The following CDH4 variants were observed in gnomAD, a reference collection of about 807,000 sequenced individuals.
CDH4 encodes cadherin 4.
CDH4 carries 33 observed loss-of-function variants against 86.0 expected under a neutral mutation model. The ratio of observed to expected loss-of-function variants is 0.38; its 90% CI spans 0.29 to 0.51. The LOEUF (loss-of-function observed/expected upper bound fraction) is 0.51, where lower values mean the gene tolerates loss of function less well. CDH4 is among the 20% of genes least tolerant of loss of function. The probability of loss-of-function intolerance (pLI) is 0.86; values close to 1 mark genes in which losing one functional copy is unlikely to be tolerated. For synonymous variants in CDH4, 555 were observed against 549.4 expected (o/e 1.01, Z -0.14); for missense variants, 1,114 against 1,307.4 (o/e 0.85, Z 2.28).
chr20:61,759,203 A>G (rs2088603034), intron 3 of CDH4, among the ~76,000 whole-genome samples: 1 of 152,186 alleles, frequency 6.6e-6, no homozygotes, highest in Admixed American at 6.5e-5. Flanking sequence ...CTGAAGGCAG[A>G]CTTCTCAGAC....
chr20:61,832,233 A>G (rs1188869984), intron 4 of CDH4, among the ~76,000 whole-genome samples: 2 of 152,190 alleles, frequency 1.3e-5, no homozygotes, highest in African/African-American at 4.8e-5. Context: ...GGGCCAGGAC[A>G]CCTGGGTTCT....
intron 2 of CDH4, among the ~76,000 whole-genome samples, chr20:61,686,939 C>T (rs1423380856): frequency 6.6e-6 from 1 of 151,930 alleles, no homozygotes; most frequent in Non-Finnish European, 1.5e-5. Flanking sequence ...AAACCAACCC[C>T]CGCCCCCCGA....
intron 2 of CDH4, among the ~76,000 whole-genome samples, chr20:61,735,997 G>A (rs1277920102): frequency 6.6e-6 from 1 of 152,172 alleles, no homozygotes; most frequent in African/African-American, 2.4e-5. Flanking sequence ...GCCCTAAAGG[G>A]GGTGTCTGGG....
At chr20:61,258,217 C>T (rs6071556) in intron 2 of CDH4, among the ~76,000 whole-genome samples, 82,910 of 151,024 alleles carry the variant, frequency 0.55, 24,103 homozygotes, top group Non-Finnish European at 0.64. Context: ...GTAGTCCCAG[C>T]TACGTGAGAG....
At chr20:61,784,699 CCCAG>C (rs1978773304) in intron 4 of CDH4, among the ~76,000 whole-genome samples, 1 of 114,298 alleles carries the variant, frequency 8.7e-6, no homozygotes, top group African/African-American at 3.7e-5. Flanking sequence ...GAAATGTAAT[CCCAG>C]TTCCTCGGGA....
intron 11 of CDH4, among the ~76,000 whole-genome samples, chr20:61,925,656 C>T (rs1295276256): frequency 1.3e-5 from 2 of 152,222 alleles, no homozygotes; most frequent in Admixed American, 6.5e-5. Context: ...GAACCTGGGT[C>T]AGTGAATACT....
intron 2 of CDH4, among the ~76,000 whole-genome samples, chr20:61,537,574 C>G (rs1347703730): frequency 6.6e-6 from 1 of 152,188 alleles, no homozygotes; most frequent in Admixed American, 6.5e-5. Context: ...AAGGAAATCG[C>G]CCTACCCCGG....
chr20:61,869,393 G>A (rs1891571), intron 6 of CDH4, among the ~76,000 whole-genome samples: 78,710 of 152,078 alleles, frequency 0.52, 22,063 homozygotes, highest in Non-Finnish European at 0.62. Flanking sequence ...GTTGGAACAG[G>A]GAATGTGTGC....
At chr20:61,588,596 G>A (rs1399357391) in intron 2 of CDH4, among the ~76,000 whole-genome samples, 3 of 152,118 alleles carry the variant, frequency 2.0e-5, no homozygotes, top group Admixed American at 2.0e-4. Flanking sequence ...TGGAGCCCGT[G>A]GCCTTTGGCT....
chr20:61,651,382 G>T (rs919130039), intron 2 of CDH4, among the ~76,000 whole-genome samples: 2 of 152,352 alleles, frequency 1.3e-5, no homozygotes, highest in African/African-American at 4.8e-5. Context: ...ACATGTCCCA[G>T]CCCCGAGTCA....
intron 2 of CDH4, among the ~76,000 whole-genome samples, chr20:61,391,158 C>A (rs901034341): frequency 6.6e-6 from 1 of 151,968 alleles, no homozygotes; most frequent in African/African-American, 2.4e-5. Context: ...GACATTTGTT[C>A]TAGAAAACAC....
At chr20:61,298,731 T>G (rs76630122) in intron 2 of CDH4, among the ~76,000 whole-genome samples, 19,344 of 146,222 alleles carry the variant, frequency 0.13, 1,358 homozygotes, top group African/African-American at 0.17. Flanking sequence ...AAAAGAAAAA[T>G]AAACTTAAAA....
chr20:61,750,390 A>G (rs942977313), intron 3 of CDH4, among the ~76,000 whole-genome samples: 1 of 152,240 alleles, frequency 6.6e-6, no homozygotes, highest in Non-Finnish European at 1.5e-5. Flanking sequence ...AAAGGATAAT[A>G]GTGTAGAAAT....
rs774741112 is a variant in CDH4 at position 61,844,647 on chromosome 20, C to T, written c.577-21C>T. Reference sequence around the variant, plus strand: ...TCCTCACCACAGGATAACCTCTTCTCGCTTTGCTCCTGCCTTTCAGATCCG... The same window carrying T: ...TCCTCACCACAGGATAACCTCTTCTTGCTTTGCTCCTGCCTTTCAGATCCG... On this transcript the variant is annotated intron_variant, in intron 4 of 15. Transcript: ENST00000614565. 2.0e-5 allele frequency: 32 copies of T among 1,599,524 alleles called. No individual in the cohort carries two copies. In the Admixed American group the frequency reaches 3.4e-4, roughly 17 times the overall value.
rs1198661744 is a variant in CDH4 at position 61,810,804 on chromosome 20, C to T, written c.577-33864C>T. 3.9e-5 allele frequency among the ~76,000 whole-genome samples: 6 copies of T among 152,222 alleles called. No homozygotes were observed. Among genetic ancestry groups the T allele is most frequent in the South Asian group, 2.1e-4 (1 of 4,830 alleles). The stretch of plus-strand genomic sequence containing the variant: ...GAACTCCTGGGACCCCCAGATGCCT[C>T]GGTGGTCACTTCTCCAGTCTCAGCT... On this transcript the variant is annotated intron_variant, in intron 4 of 15. Coordinates refer to ENST00000614565, the MANE Select transcript of CDH4 (RefSeq NM_001794.5). The surrounding 1 kb of genome is among the most constrained non-coding windows in gnomAD (Gnocchi z 4.3).
intron 5 of CDH4, among the ~76,000 whole-genome samples, chr20:61,850,355 C>T (rs546268727): frequency 3.9e-5 from 6 of 152,300 alleles, no homozygotes; most frequent in African/African-American, 1.2e-4. Flanking sequence ...TGTTGGCTGC[C>T]GATGTCACTG....
intron 4 of CDH4, among the ~76,000 whole-genome samples, chr20:61,777,979 C>G (rs1023753892): frequency 3.3e-5 from 5 of 152,228 alleles, no homozygotes; most frequent in African/African-American, 4.8e-5. Context: ...TACACACATC[C>G]ACATGCACAC....
chr20:61,462,631 C>T (rs2085450423), intron 2 of CDH4, among the ~76,000 whole-genome samples: 1 of 152,246 alleles, frequency 6.6e-6, no homozygotes, highest in South Asian at 2.1e-4. Context: ...GCTCCTCCCT[C>T]TCTGCCATGC....
At position 61,676,166 on chromosome 20, in the gene CDH4, A is replaced by T. The variant is rs1156931178; in HGVS notation, c.170-67397A>T. On this transcript the variant is annotated intron_variant, in intron 2 of 15. Coordinates refer to ENST00000614565, the MANE Select transcript of CDH4 (RefSeq NM_001794.5). The surrounding 1 kb of genome is among the most constrained non-coding windows in gnomAD (Gnocchi z 4.5). ...ATGGGGCCTGCCAGTTCGAATTTGCACGTGCAGAAAATCACATCCTTCCGT... is the reference window on the plus strand; with the variant it reads ...ATGGGGCCTGCCAGTTCGAATTTGCTCGTGCAGAAAATCACATCCTTCCGT... Among the ~76,000 whole-genome samples, 1 of 152,224 alleles carries T rather than the reference A, an allele frequency of 6.6e-6. No homozygotes were observed. The highest frequency in any genetic ancestry group is 1.5e-5 in the Non-Finnish European group (1 of 68,038).
Sources: allele counts gnomAD v4.1 joint callset (sites outside exome capture counted in the v4.1 genomes callset), GRCh38; gene constraint gnomAD v4.1.1; non-coding constraint Gnocchi (gnomAD v3.1); transcripts MANE v1.5; gene names NCBI Gene and HGNC (gene_info 2026-07-23, HGNC 2026-07-21).